The following MYZAP variants were observed in gnomAD, a reference collection of about 807,000 sequenced individuals.
MYZAP encodes GRINL1A complex locus upstream.
Under a neutral mutation model 69.4 loss-of-function variants are expected in MYZAP, and 66 were observed. The ratio of observed to expected loss-of-function variants is 0.95; its 90% CI spans 0.78 to 1.17. MYZAP has a LOEUF of 1.17. Ranked by LOEUF, MYZAP falls within the 50% of genes most tolerant of loss-of-function variation. The pLI is 0.00. For missense variants in MYZAP, 611 were observed against 556.2 expected, an observed-to-expected ratio of 1.10 and a Z score of -0.99; for synonymous variants, 256 against 205.9, an observed-to-expected ratio of 1.24 and a Z score of -2.09.
intron 4 of MYZAP, among the ~76,000 whole-genome samples, chr15:57,622,533 A>G (rs2035881097): frequency 6.6e-6 from 1 of 152,208 alleles, no homozygotes; most frequent in Admixed American, 6.5e-5. Context: ...TCAGAGATTG[A>G]AACAGTATCA....
intron 1 of MYZAP, chr15:57,599,444 C>G (rs2034273926): frequency 1.0e-5 from 12 of 1,155,968 alleles, no homozygotes; most frequent in Non-Finnish European, 1.2e-5. Context: ...ATAAAGTATG[C>G]TGAGTCCAGC....
intron 4 of MYZAP, among the ~76,000 whole-genome samples, chr15:57,625,435 C>G (rs2036072503): frequency 6.6e-6 from 1 of 152,174 alleles, no homozygotes; most frequent in Non-Finnish European, 1.5e-5. Context: ...GAAGTTATTT[C>G]AACTGGGTTC....
chr15:57,594,847 T>C (rs1288176130), intron 1 of MYZAP, among the ~76,000 whole-genome samples: 9 of 152,326 alleles, frequency 5.9e-5, no homozygotes, highest in East Asian at 3.9e-4. Flanking sequence ...CAAATAATCA[T>C]TGGAAGTGTA....
intron 10 of MYZAP, among the ~76,000 whole-genome samples, chr15:57,643,862 C>T (rs554910872): frequency 3.9e-5 from 6 of 151,952 alleles, no homozygotes; most frequent in African/African-American, 1.2e-4. Flanking sequence ...CCAACAGGGT[C>T]TGAAGGGAGT....
chr15:57,593,539 C>T lies in MYZAP; in HGVS notation c.75+1430C>T, dbSNP rs549931231. Among the ~76,000 whole-genome samples the T allele has an allele frequency of 1.0e-3, 159 of 152,200 alleles. 2 individuals are homozygous for T. Among genetic ancestry groups the T allele is most frequent in the African/African-American group, 3.8e-3 (158 of 41,502 alleles). On this transcript the variant is annotated intron_variant, in intron 1 of 12. Transcript: ENST00000267853. ...ATTAGTTGGGGTACCTAACCTAATA[C>T]GGTGGGTTGATACAAATGTGACTAG...
chr15:57,683,789 C>G (rs562365279), intron 12 of MYZAP, among the ~76,000 whole-genome samples: 1 of 151,710 alleles, frequency 6.6e-6, no homozygotes, highest in Non-Finnish European at 1.5e-5. Flanking sequence ...ATGAATATTT[C>G]TGGGGCCTCT....
At chr15:57,635,294 G>C (rs770846030) in intron 8 of MYZAP, among the ~76,000 whole-genome samples, 1 of 152,138 alleles carries the variant, frequency 6.6e-6, no homozygotes, top group Non-Finnish European at 1.5e-5. Flanking sequence ...ATGGTTCCTC[G>C]TATATAGTAA....
chr15:57,593,536 A>C (rs1375555036), intron 1 of MYZAP, among the ~76,000 whole-genome samples: 1 of 152,188 alleles, frequency 6.6e-6, no homozygotes, highest in African/African-American at 2.4e-5. Context: ...ACCTAACCTA[A>C]TACGGTGGGT....
intron 1 of MYZAP, chr15:57,599,611 C>A (rs1347269789): frequency 3.6e-5 from 47 of 1,289,020 alleles, no homozygotes; most frequent in Non-Finnish European, 4.3e-5. Flanking sequence ...GCCCTACCTG[C>A]CTTTCAGGCA....
chr15:57,624,324 A>G (rs1256868029), intron 4 of MYZAP, among the ~76,000 whole-genome samples: 1 of 152,212 alleles, frequency 6.6e-6, no homozygotes, highest in African/African-American at 2.4e-5. Flanking sequence ...GGGCTGTGAG[A>G]TTAAGTGCTT....
intron 1 of MYZAP, among the ~76,000 whole-genome samples, chr15:57,602,072 A>G (rs2034451560): frequency 6.6e-6 from 1 of 152,076 alleles, no homozygotes; most frequent in Admixed American, 6.6e-5. Flanking sequence ...GGGCAGGTTG[A>G]ACTCAAGAGA....
chr15:57,652,420 C>A (rs530970342), intron 10 of MYZAP, among the ~76,000 whole-genome samples: 2 of 152,068 alleles, frequency 1.3e-5, no homozygotes, highest in Admixed American at 1.3e-4. Flanking sequence ...TTTATTCTTA[C>A]ATTTTGTGGT....
At chr15:57,633,933 T>C (rs1008233495) in intron 8 of MYZAP, among the ~76,000 whole-genome samples, 192 bp downstream of exon 8, 1 of 152,236 alleles carries the variant, frequency 6.6e-6, no homozygotes, top group Non-Finnish European at 1.5e-5. Flanking sequence ...ATAACTATTT[T>C]GATGCTTTTA....
At position 57,639,481 on chromosome 15, in the gene MYZAP, G is replaced by A. The variant is rs147311786; in HGVS notation, c.1055G>A (p.Arg352Gln). Residue 352 changes from arginine to glutamine, a missense_variant, in exon 10 of 13, where the codon CGG (arginine) becomes CAG (glutamine). Transcript: ENST00000267853. Reference protein sequence around the residue: ...LEEASASLRERIRHLDDMVHC... With the variant: ...LEEASASLREQIRHLDDMVHC... ...GAGGCATCAGCCAGCCTCCGTGAGC[G>A]GATCAGACACCTAGATGACATGGTG... 3.0e-5 allele frequency: 48 copies of A among 1,613,948 alleles called. No individual in the cohort carries two copies. Among genetic ancestry groups the A allele is most frequent in the African/African-American group, 6.7e-5 (5 of 74,920 alleles).
chr15:57,593,708 C>G (rs2033873138), intron 1 of MYZAP, among the ~76,000 whole-genome samples: 1 of 152,164 alleles, frequency 6.6e-6, no homozygotes, highest in African/African-American at 2.4e-5. Flanking sequence ...GTATTTTGGA[C>G]TGGAGAACTC....
intron 10 of MYZAP, among the ~76,000 whole-genome samples, chr15:57,645,064 C>A (rs2037372594): frequency 6.6e-6 from 1 of 152,212 alleles, no homozygotes; most frequent in African/African-American, 2.4e-5. Context: ...GAAGACGTTA[C>A]ACTTGGCCAC....
rs775013553 is a variant in MYZAP, at chr15:57,633,706, G to A, written c.898G>A (p.Gly300Arg). The A allele has an allele frequency of 6.2e-6, 10 of 1,612,266 alleles. No individual in the cohort carries two copies. Among genetic ancestry groups the A allele is most frequent in the African/African-American group, 4.0e-5 (3 of 74,862 alleles). ...ISLEEKDQRI[G>R]ELDRLIERME... ...CCTAGAGGAGAAAGACCAGAGGATC[G>A]GGGAGCTGGACAGGCTGATTGAGCG... Residue 300 changes from glycine (G) to arginine (R), a missense_variant, in exon 8 of 13, where the codon GGG becomes AGG. Physicochemically the swap from Gly to Arg is moderately radical, Grantham distance 125. Transcript: ENST00000267853.
chr15:57,646,605 T>C (rs2037458677), intron 10 of MYZAP: 9 of 997,714 alleles, frequency 9.0e-6, no homozygotes, highest in Non-Finnish European at 1.1e-5. Flanking sequence ...GCTTGAAGAA[T>C]GTTAGTGCTC....
chr15:57,616,783 C>CTGGGTGA (rs2035479644), intron 2 of MYZAP, among the ~76,000 whole-genome samples: 1 of 139,004 alleles, frequency 7.2e-6, no homozygotes, highest in South Asian at 2.3e-4. Context: ...ACACTGCAGC[C>CTGGGTGA]TGGGTGACAG....
Sources: allele counts gnomAD v4.1 joint callset (sites outside exome capture counted in the v4.1 genomes callset), GRCh38; gene constraint gnomAD v4.1.1; transcripts MANE v1.5; gene names NCBI Gene and HGNC (gene_info 2026-07-23, HGNC 2026-07-21).